The following AKAP8 variants were observed in gnomAD, a reference collection of about 807,000 sequenced individuals.
AKAP8 encodes A-kinase anchor protein 8.
AKAP8 carries 24 observed loss-of-function variants against 67.5 expected under a neutral mutation model. That is an observed-to-expected ratio of 0.36 (90% CI 0.26 to 0.50). AKAP8 has a LOEUF of 0.50. Among genes scored for constraint, AKAP8 ranks in the 20% least tolerant of loss-of-function variants. The probability of loss-of-function intolerance (pLI) is 0.97; values close to 1 mark genes in which losing one functional copy is unlikely to be tolerated. For synonymous variants in AKAP8, 400 were observed against 371.1 expected, an observed-to-expected ratio of 1.08 and a Z score of -0.90; for missense variants, 971 against 955.9, an observed-to-expected ratio of 1.02 and a Z score of -0.21.
chr19:15,365,765 G>A (rs1277561533), intron 9 of AKAP8, among the ~76,000 whole-genome samples: 2 of 152,114 alleles, frequency 1.3e-5, no homozygotes. Context: ...GTTCATGCCT[G>A]TACTCCCAGC....
intron 11 of AKAP8, 62 bp downstream of exon 11, chr19:15,361,667 C>T (rs768163632): frequency 1.4e-5 from 21 of 1,474,196 alleles, no homozygotes; most frequent in Admixed American, 8.4e-5. Context: ...CCACGTTTTA[C>T]GGGTCCTGTC....
chr19:15,369,169 G>A lies in AKAP8; in HGVS notation c.1073-847C>T, dbSNP rs1967114871. The stretch of plus-strand genomic sequence containing the variant: ...GTGGGATTTTTGGCAAGAGGTCACT[G>A]CCTGAAACTATGACTGCTGTTTAAT... On this transcript the variant is annotated intron_variant, in intron 8 of 13. Transcript: ENST00000269701. This position sits in a 1 kb window ranked among gnomAD's most constrained non-coding sequence, Gnocchi z 4.6. The A allele has an allele frequency of 2.0e-6, 2 of 985,518 alleles. No individual in the cohort carries two copies. Among genetic ancestry groups the A allele is most frequent in the Non-Finnish European group, 2.4e-6 (2 of 829,982 alleles). 61.0% of individuals were successfully genotyped at this position (985,518 alleles called of 1,614,324 possible). A position where few individuals can be genotyped will look rare whatever the true frequency, so the allele number is the denominator to read the frequency against.
chr19:15,362,859 G>A (rs1423758631), intron 9 of AKAP8, among the ~76,000 whole-genome samples: 1 of 147,298 alleles, frequency 6.8e-6, no homozygotes, highest in Non-Finnish European at 1.5e-5. Flanking sequence ...TGGCTGCCCA[G>A]TCTGGAAAGT....
At chr19:15,361,867 G>C (rs772268201) in intron 10 of AKAP8, 45 bp from the exon 11 acceptor site, 28 of 1,548,212 alleles carry the variant, frequency 1.8e-5, no homozygotes, top group Non-Finnish European at 2.4e-5. Context: ...AGAGGTGGGC[G>C]CATGTGGGCA....
Position 15,355,152 on chromosome 19 carries a change from C to T in AKAP8, c.1842G>A (p.Glu614=), listed in dbSNP as rs1261212287. ...GTTCGGCTTGAGGATCACTACCGGC[C>T]TCCGCTGTGTCCGTGGGGCCTTCGT... The part of the protein sequence containing the change: ...AEDEGPTDTA[E]AGSDPQAEQL... The change falls in exon 14 of 14, where the codon GAG becomes GAA. Residue 614 remains glutamate, a synonymous_variant. Coordinates refer to ENST00000269701, the MANE Select transcript of AKAP8 (RefSeq NM_005858.4). 1.2e-6 allele frequency: 2 copies of T among 1,612,996 alleles called. No homozygotes were observed. The highest frequency in any genetic ancestry group is 2.7e-5 in the African/African-American group (2 of 74,948).
In AKAP8 at chr19:15,369,203, C is replaced by T; in HGVS notation, c.1073-881G>A. The T allele has an allele frequency of 1.0e-6, 1 of 985,544 alleles. No individual in the cohort carries two copies. The highest frequency in any genetic ancestry group is 1.2e-6 in the Non-Finnish European group (1 of 829,994). 61.0% of individuals were successfully genotyped at this position (985,544 alleles called of 1,614,324 possible). On this transcript the variant is annotated intron_variant, in intron 8 of 13. Coordinates refer to ENST00000269701, the MANE Select transcript of AKAP8 (RefSeq NM_005858.4). The surrounding 1 kb of genome is among the most constrained non-coding windows in gnomAD (Gnocchi z 4.6). ...TATGACTGCTGTTTAATAGCAAAGT[C>T]ATCCCGGGTAGGTAGCAGGACCTGC... is the stretch of plus-strand genomic sequence containing the variant.
At chr19:15,357,653 T>C (rs1449413046) in intron 13 of AKAP8, among the ~76,000 whole-genome samples, 1 of 151,020 alleles carries the variant, frequency 6.6e-6, no homozygotes, top group Non-Finnish European at 1.5e-5. Flanking sequence ...CTCTGGAAAC[T>C]TTTACCTTGC....
intron 9 of AKAP8, among the ~76,000 whole-genome samples, chr19:15,365,046 A>G (rs1967047067): frequency 6.6e-6 from 1 of 152,202 alleles, no homozygotes; most frequent in Admixed American, 6.5e-5. Context: ...TGACTCGCAT[A>G]GTAATCTGCT....
intron 7 of AKAP8, among the ~76,000 whole-genome samples, chr19:15,370,655 G>A (rs1393116891): frequency 8.3e-5 from 8 of 96,824 alleles, no homozygotes; most frequent in East Asian, 4.0e-4. Context: ...TTTTTGAGAC[G>A]GAGTCTCGCC....
chr19:15,359,788 G>A (rs1966935891), intron 12 of AKAP8, among the ~76,000 whole-genome samples: 1 of 152,104 alleles, frequency 6.6e-6, no homozygotes, highest in Non-Finnish European at 1.5e-5. Context: ...TTTAGAGCCT[G>A]ACTTGTTTGC....
At chr19:15,370,037 C>G in intron 8 of AKAP8, 109 bp downstream of exon 8, 1 of 1,380,010 alleles carries the variant, frequency 7.2e-7, no homozygotes, top group Non-Finnish European at 1.0e-6. Flanking sequence ...TCTTCCCCCA[C>G]AGCCACGGGC....
intron 13 of AKAP8, among the ~76,000 whole-genome samples, chr19:15,356,745 G>A (rs760956708): frequency 1.3e-5 from 2 of 152,156 alleles, no homozygotes; most frequent in East Asian, 1.9e-4. Context: ...AGGTGCTCAC[G>A]CCTGTAACCC....
chr19:15,355,316 T>C lies in AKAP8; in HGVS notation c.1678A>G (p.Asn560Asp). 1 of 1,613,786 alleles carries C rather than the reference T, an allele frequency of 6.2e-7. No homozygotes were observed. The highest frequency in any genetic ancestry group is 8.5e-7 in the Non-Finnish European group (1 of 1,180,010). Residue 560 changes from asparagine (N) to aspartate (D), a missense_variant, in exon 14 of 14, where the codon AAT becomes GAT. By Grantham distance (23) the Asn-to-Asp change is conservative (BLOSUM62 1). Coordinates refer to ENST00000269701, the MANE Select transcript of AKAP8 (RefSeq NM_005858.4). The part of the protein sequence containing the change: ...TVDPEMEGDD[N>D]LGGEDKKETP... ...TCTTTCTTATCCTCACCTCCTAAAT[T>C]GTCATCTCCTTCCATTTCTGGATCA...
chr19:15,364,077 TAAATAAATAAA>T (rs1967026414), intron 9 of AKAP8, among the ~76,000 whole-genome samples: 1 of 11,070 alleles, frequency 9.0e-5, no homozygotes, highest in Non-Finnish European at 1.7e-4. Flanking sequence ...AATAAATAAA[TAAATAAATAAA>T]TAAATAAATT....
At chr19:15,379,569 G>A (rs1967334034) in intron 1 of AKAP8, 144 bp downstream of exon 1, 3 of 875,574 alleles carry the variant, frequency 3.4e-6, no homozygotes, top group Admixed American at 4.1e-5. Context: ...AGCGGCGCGC[G>A]CGCGCCCTGG....
Position 15,354,079 on chromosome 19 carries a change from G to A in AKAP8, c.*836C>T, listed in dbSNP as rs989883623. The A allele has an allele frequency of 6.6e-6, 1 of 151,728 alleles. No individual in the cohort carries two copies. Among genetic ancestry groups the A allele is most frequent in the East Asian group, 1.9e-4 (1 of 5,180 alleles). The allele number at this position is 151,728 out of a possible 1,614,324, so 9.4% of individuals were successfully genotyped here. A position where few individuals can be genotyped will look rare whatever the true frequency, so the allele number is the denominator to read the frequency against. The stretch of plus-strand genomic sequence containing the variant: ...GTCCAGGTTGGTCTTGAACTCCTGG[G>A]CTTAAGCTATCCTCTCACCACGGCC... On this transcript the variant is annotated 3_prime_UTR_variant, in exon 14 of 14. Transcript: ENST00000269701.
chr19:15,373,882 A>T lies in AKAP8; in HGVS notation c.275T>A (p.Leu92His), dbSNP rs1263913817. ...CAAACGCTGGTTGATCTTGGCAATG[A>T]GGGAGTCGGAATTGTCGGTGCATGG... ...PEPCTDNSDS[L>H]IAKINQRLDM... Residue 92 changes from leucine to histidine, a missense_variant, in exon 4 of 14, where the codon CTC (leucine) becomes CAC (histidine). Physicochemically the swap from Leu to His is moderately conservative, Grantham distance 99 (BLOSUM62 -3). This residue lies in a region of AKAP8 where 763 missense variants were observed against 745.4 expected (regional missense o/e 1.02). Coordinates refer to ENST00000269701, the MANE Select transcript of AKAP8 (RefSeq NM_005858.4). The T allele has an allele frequency of 1.2e-6, 2 of 1,613,354 alleles. No homozygotes were observed. The highest frequency in any genetic ancestry group is 2.2e-5 in the South Asian group (2 of 91,048).
chr19:15,371,799 C>G lies in AKAP8; in HGVS notation c.1038+153G>C, dbSNP rs144626719. On this transcript the variant is annotated intron_variant, in intron 7 of 13. Transcript: ENST00000269701. ...CCACCGTGCCGGCTAAGGTGGAAAACTTTTAGAAATCTAGCTAAAAGTCAG... is the reference window on the plus strand; with the variant it reads ...CCACCGTGCCGGCTAAGGTGGAAAAGTTTTAGAAATCTAGCTAAAAGTCAG... Among the ~76,000 whole-genome samples, 17 of 152,226 alleles carry G rather than the reference C, an allele frequency of 1.1e-4. No individual in the cohort carries two copies. In the East Asian group the frequency reaches 2.7e-3, roughly 24 times the overall value.
rs757662753 is a variant in AKAP8, at chr19:15,354,939, A to C, written c.2055T>G (p.Ser685=). ...ATCATTCTGTGGGAACAGCGTCTTTAGACTCTGCATCAGTTTGTTCCACTT... is the reference window on the plus strand; with the variant it reads ...ATCATTCTGTGGGAACAGCGTCTTTCGACTCTGCATCAGTTTGTTCCACTT... ...DAEVEQTDAE[S]KDAVPTE The change falls in exon 14 of 14, where the codon TCT becomes TCG. Residue 685 remains serine, a synonymous_variant. Coordinates refer to ENST00000269701, the MANE Select transcript of AKAP8 (RefSeq NM_005858.4). 1 of 1,614,156 alleles carries C rather than the reference A, an allele frequency of 6.2e-7. No individual in the cohort carries two copies. Among genetic ancestry groups the C allele is most frequent in the Admixed American group, 1.7e-5 (1 of 60,032 alleles).
Sources: gnomAD v4.1 joint callset for allele counts (sites outside exome capture counted in the v4.1 genomes callset) on GRCh38, gnomAD v4.1.1 for gene constraint, gnomAD v4.1.1 regional missense constraint, Gnocchi (gnomAD v3.1) non-coding constraint, MANE v1.5 for transcripts, NCBI Gene and HGNC (gene_info 2026-07-23, HGNC 2026-07-21) for gene names.